Variants in INPP5F observed in about 807,000 individuals in gnomAD.
INPP5F encodes inositol polyphosphate-5-phosphatase F, also known as phosphatidylinositide 4-phosphatase SAC2.
INPP5F carries 97 observed loss-of-function variants against 137.2 expected under a neutral mutation model. The observed-to-expected ratio is 0.71, with a 90% CI of 0.60 to 0.84. The LOEUF (loss-of-function observed/expected upper bound fraction) is 0.84. Among genes scored for constraint, INPP5F ranks in the 40% least tolerant of loss-of-function variants. INPP5F has a pLI of 0.00. For synonymous variants in INPP5F, 504 were observed against 476.9 expected (o/e 1.06, Z -0.74); for missense variants, 1,271 against 1,371.9 (o/e 0.93, Z 1.16).
intron 3 of INPP5F, among the ~76,000 whole-genome samples, chr10:119,786,361 C>T (rs950492495): frequency 2.6e-5 from 4 of 152,018 alleles, no homozygotes; most frequent in Non-Finnish European, 5.9e-5. Context: ...GCATTGTAAT[C>T]CCTGGGGCTC....
At position 119,752,889 on chromosome 10, in the gene INPP5F, A is replaced by C. The variant is rs147523466; in HGVS notation, c.178+1733A>C. On this transcript the variant is annotated intron_variant, in intron 2 of 19. Coordinates refer to ENST00000650623, the MANE Select transcript of INPP5F (RefSeq NM_014937.4). ...AGTTCCTTATTTTCACTGTTTATGA[A>C]TATATTGTGATTTGTCCTTTTTCCT... Among the ~76,000 whole-genome samples the C allele has an allele frequency of 3.7e-3, 560 of 150,330 alleles. 5 individuals carry two copies. The highest frequency in any genetic ancestry group is 0.013 in the African/African-American group (549 of 41,176).
chr10:119,737,832 C>T (rs539607236), intron 1 of INPP5F, among the ~76,000 whole-genome samples: 19 of 152,088 alleles, frequency 1.2e-4, no homozygotes, highest in Middle Eastern at 3.4e-3. Flanking sequence ...TTTTTAGAGC[C>T]GTAATATCCT....
chr10:119,742,924 G>A lies in INPP5F; in HGVS notation c.98-8152G>A, dbSNP rs986558517. On this transcript the variant is annotated intron_variant, in intron 1 of 19. Transcript: ENST00000650623. ...AGAGAATTGCTTGAACCCGGGAGGT[G>A]GAGGTTGCCATGAGCCGAGATCGCG... Among the ~76,000 whole-genome samples, 4 of 152,138 alleles carry A rather than the reference G, an allele frequency of 2.6e-5. No individual in the cohort carries two copies. In the East Asian group the frequency reaches 7.7e-4, roughly 29 times the overall value.
chr10:119,772,023 G>A (rs1453543303), intron 2 of INPP5F, among the ~76,000 whole-genome samples: 2 of 145,918 alleles, frequency 1.4e-5, no homozygotes, highest in East Asian at 2.1e-4. Flanking sequence ...TCAGCCTCCC[G>A]AGTAGCTGGG....
chr10:119,749,015 G>C (rs1385293537), intron 1 of INPP5F, among the ~76,000 whole-genome samples: 2 of 152,228 alleles, frequency 1.3e-5, no homozygotes, highest in East Asian at 3.8e-4. Flanking sequence ...AGAGGGGGCT[G>C]AGGCGGCAGG....
Position 119,804,199 on chromosome 10 carries a change from A to G in INPP5F, c.1143A>G (p.Ala381=). 6.2e-7 allele frequency: 1 copy of G among 1,610,538 alleles called. No homozygotes were observed. Among genetic ancestry groups the G allele is most frequent in the South Asian group, 1.1e-5 (1 of 90,826 alleles). ...TTATTATTAACTTGGTAGACCAGGC[A>G]GGAAGAGAGAAGATTATTGGCGATG... ...KQVIINLVDQ[A]GREKIIGDAY... is the part of the protein sequence containing the mutation. Residue 381 remains alanine (A), a synonymous_variant, in exon 10 of 20, where the codon GCA becomes GCG. Coordinates refer to ENST00000650623, the MANE Select transcript of INPP5F (RefSeq NM_014937.4).
intron 7 of INPP5F, 86 bp from the exon 8 acceptor site, chr10:119,797,375 A>G (rs1367352857): frequency 9.6e-7 from 1 of 1,040,066 alleles, no homozygotes; most frequent in Non-Finnish European, 1.4e-6. Flanking sequence ...ATCCTGGAAG[A>G]CATACATTTG....
rs1227017245 is a variant in INPP5F, at chr10:119,827,414, A to G, written c.3033A>G (p.Pro1011=). Residue 1011 remains proline (P), a synonymous_variant, in exon 20 of 20, where the codon CCA becomes CCG. Transcript: ENST00000650623. ...CAACAGAACAGACACCTTCTCGGCC[A>G]TCGCAATTAGATGTCTCTCTTTCTG... is the stretch of plus-strand genomic sequence containing the variant. ...SESTEQTPSR[P]SQLDVSLSAT... is the part of the protein sequence containing the mutation. 2 of 1,614,214 alleles carry G rather than the reference A, an allele frequency of 1.2e-6. No homozygotes were observed. Among genetic ancestry groups the G allele is most frequent in the African/African-American group, 1.3e-5 (1 of 75,054 alleles).
At chr10:119,807,906 T>C in intron 12 of INPP5F, 26 bp from the exon 13 acceptor site, 1 of 1,592,532 alleles carries the variant, frequency 6.3e-7, no homozygotes, top group Non-Finnish European at 8.6e-7. Flanking sequence ...CCATATACAG[T>C]TAATCCACCA....
At chr10:119,728,235 T>C (rs1047019894) in intron 1 of INPP5F, among the ~76,000 whole-genome samples, 3 of 152,220 alleles carry the variant, frequency 2.0e-5, no homozygotes, top group Non-Finnish European at 4.4e-5. Context: ...GAAGAGGCCA[T>C]GTTTCAGAAG....
chr10:119,814,771 C>G (rs1851196154), intron 15 of INPP5F, among the ~76,000 whole-genome samples: 1 of 152,206 alleles, frequency 6.6e-6, no homozygotes, highest in African/African-American at 2.4e-5. Flanking sequence ...AGATGCTAAC[C>G]TGGTCCAGGG....
intron 15 of INPP5F, chr10:119,819,579 A>T: frequency 6.6e-7 from 1 of 1,519,426 alleles, no homozygotes; most frequent in Non-Finnish European, 9.0e-7. Flanking sequence ...TTACAGTGTT[A>T]TTTGGTATTA....
chr10:119,792,415 T>C (rs949204696), intron 6 of INPP5F, among the ~76,000 whole-genome samples: 23 of 152,238 alleles, frequency 1.5e-4, no homozygotes, highest in African/African-American at 5.5e-4. Flanking sequence ...ACAATTTCAC[T>C]GCCTCGTCAC....
intron 15 of INPP5F, chr10:119,819,530 CAG>C (rs1312305162): frequency 6.2e-7 from 1 of 1,603,474 alleles, no homozygotes; most frequent in South Asian, 1.1e-5. Flanking sequence ...CAACAATTTT[CAG>C]AGTGCACGTA....
In INPP5F at chr10:119,787,481, G is replaced by A. The variant is rs995953636; in HGVS notation, c.316-4036G>A. Among the ~76,000 whole-genome samples the A allele has an allele frequency of 6.6e-6, 1 of 152,082 alleles. No homozygotes were observed. The highest frequency in any genetic ancestry group is 2.4e-5 in the African/African-American group (1 of 41,410). ...GTGCCTCAGCTACTCGGGAGGCTAA[G>A]GTGGAAGAACCGCTTGGATCTGGGA... On this transcript the variant is annotated intron_variant, in intron 3 of 19. Transcript: ENST00000650623. This position sits in a 1 kb window ranked among gnomAD's most constrained non-coding sequence, Gnocchi z 4.1.
chr10:119,806,649 AT>A (rs1291641849), intron 12 of INPP5F, among the ~76,000 whole-genome samples, 169 bp downstream of exon 12: 4 of 152,160 alleles, frequency 2.6e-5, no homozygotes, highest in Non-Finnish European at 5.9e-5. Context: ...TGCACTGAAA[AT>A]CAGTTAAATA....
intron 9 of INPP5F, among the ~76,000 whole-genome samples, chr10:119,801,624 C>G (rs141826662): frequency 6.6e-6 from 1 of 152,118 alleles, no homozygotes; most frequent in African/African-American, 2.4e-5. Flanking sequence ...GCTGTAGTCC[C>G]AGCTACACAA....
At chr10:119,740,060 A>G (rs1026991616) in intron 1 of INPP5F, among the ~76,000 whole-genome samples, 1 of 152,028 alleles carries the variant, frequency 6.6e-6, no homozygotes, top group Non-Finnish European at 1.5e-5. Context: ...TTTCTATTGG[A>G]TAACTGAAAT....
chr10:119,786,637 A>G (rs188791665), intron 3 of INPP5F, among the ~76,000 whole-genome samples: 56 of 151,852 alleles, frequency 3.7e-4, no homozygotes, highest in Middle Eastern at 3.4e-3. Flanking sequence ...TCAGCCCCCC[A>G]AGTGGCTGGG....
Sources: gnomAD v4.1 joint callset for allele counts (sites outside exome capture counted in the v4.1 genomes callset) on GRCh38, gnomAD v4.1.1 for gene constraint, Gnocchi (gnomAD v3.1) non-coding constraint, MANE v1.5 for transcripts, NCBI Gene and HGNC (gene_info 2026-07-23, HGNC 2026-07-21) for gene names.